CERS3: variants seen among roughly 807,000 people sequenced by gnomAD.
CERS3 encodes ceramide synthase 3.
Under a neutral mutation model 50.3 loss-of-function variants are expected in CERS3, and 33 were observed. The ratio of observed to expected loss-of-function variants is 0.66; its 90% confidence interval spans 0.50 to 0.88. CERS3 has a LOEUF of 0.88. Ranked by LOEUF, CERS3 falls within the 40% of genes least tolerant of loss-of-function variation. CERS3 has a pLI of 0.00. For missense variants in CERS3, 470 were observed against 460.3 expected, an observed-to-expected ratio of 1.02 and a Z score of -0.19; for synonymous variants, 176 against 155.2, an observed-to-expected ratio of 1.13 and a Z score of -0.99.
intron 10 of CERS3, among the ~76,000 whole-genome samples, chr15:100,462,486 G>A (rs1221600542): frequency 1.3e-5 from 2 of 152,188 alleles, no homozygotes; most frequent in Non-Finnish European, 2.9e-5. Context: ...TGTTCTACAG[G>A]TGAACAATTA....
chr15:100,523,076 C>G (rs2036683934), intron 1 of CERS3, among the ~76,000 whole-genome samples: 1 of 152,206 alleles, frequency 6.6e-6, no homozygotes, highest in African/African-American at 2.4e-5. Flanking sequence ...CCCCAGAAAG[C>G]TAACAAGGTT....
chr15:100,513,439 G>C (rs2036404165), intron 2 of CERS3, among the ~76,000 whole-genome samples: 1 of 152,022 alleles, frequency 6.6e-6, no homozygotes, highest in African/African-American at 2.4e-5. Context: ...TACTTTTCCA[G>C]TTCTTCTGTG....
intron 6 of CERS3, 45 bp from the exon 7 acceptor site, chr15:100,479,523 T>A (rs760576974): frequency 1.3e-6 from 2 of 1,516,786 alleles, no homozygotes; most frequent in East Asian, 4.5e-5. Flanking sequence ...AGAAATAAAT[T>A]GGTCGGTGTC....
chr15:100,504,164 G>A (rs1408449871), intron 2 of CERS3, among the ~76,000 whole-genome samples: 1 of 151,658 alleles, frequency 6.6e-6, no homozygotes, highest in African/African-American at 2.4e-5. Flanking sequence ...ACCATTCGGA[G>A]AAGTGCTAAC....
In CERS3 at chr15:100,402,603, G is replaced by C; in HGVS notation, c.*110C>G. ...CACATCTTAGGTGGGAGGGAAGGCG[G>C]TGGTGAGAAAGAGGGAAGGGCAGAA... On this transcript the variant is annotated 3_prime_UTR_variant, in exon 12 of 12. Coordinates refer to ENST00000679737, the MANE Select transcript of CERS3 (RefSeq NM_001378789.1). 3 of 1,044,958 alleles carry C rather than the reference G, an allele frequency of 2.9e-6. No individual in the cohort carries two copies. Among genetic ancestry groups the C allele is most frequent in the Non-Finnish European group, 4.2e-6 (3 of 721,696 alleles). 64.7% of individuals were successfully genotyped at this position (1,044,958 alleles called of 1,614,324 possible).
At chr15:100,405,241 A>AAC (rs1321529592) in intron 11 of CERS3, among the ~76,000 whole-genome samples, 2 of 117,150 alleles carry the variant, frequency 1.7e-5, no homozygotes, top group Non-Finnish European at 3.7e-5. Flanking sequence ...GGTAAAAAAA[A>AAC]AAAAAAACAA....
At chr15:100,446,363 G>A (rs2033941001) in intron 11 of CERS3, among the ~76,000 whole-genome samples, 1 of 109,856 alleles carries the variant, frequency 9.1e-6, no homozygotes, top group Non-Finnish European at 1.9e-5. Flanking sequence ...AAACTTCTCA[G>A]GTTTTTTTTT....
chr15:100,402,800 CTCT>C lies in CERS3; in HGVS notation c.1062_1064del (p.Glu355del), dbSNP rs751108467. The C allele has an allele frequency of 1.2e-5, 20 of 1,613,980 alleles. No individual in the cohort carries two copies. The African/African-American group carries it at 2.0e-4, about 16-fold the overall frequency. On this transcript the variant is annotated inframe_deletion, in exon 12 of 12. Coordinates refer to ENST00000679737, the MANE Select transcript of CERS3 (RefSeq NM_001378789.1). ...AATCCATCTCTTTGCCTTTGGTAGC[CTCT>C]TCTTCTTCCTCTTCCTCTTCCTCTT...
chr15:100,530,785 G>T (rs1275097125), upstream of CERS3, among the ~76,000 whole-genome samples: 1 of 152,160 alleles, frequency 6.6e-6, no homozygotes, highest in Non-Finnish European at 1.5e-5. Flanking sequence ...CAAGCCAAAA[G>T]AATATTGGGG....
intron 1 of CERS3, among the ~76,000 whole-genome samples, chr15:100,525,757 C>T (rs2036769351): frequency 6.6e-6 from 1 of 152,192 alleles, no homozygotes; most frequent in South Asian, 2.1e-4. Flanking sequence ...ATTCCAGCTA[C>T]AAGGACAAAT....
At position 100,484,298 on chromosome 15, in the gene CERS3, T is replaced by C. The variant is rs576339564; in HGVS notation, c.407+252A>G. On this transcript the variant is annotated intron_variant, in intron 5 of 11. Transcript: ENST00000679737. ...TCTCCTGTTCATCTTAGAGAGTTCA[T>C]AGTGTGGGAGTCTGTCTGAATCTAT... is the stretch of plus-strand genomic sequence containing the variant. 3.9e-5 allele frequency among the ~76,000 whole-genome samples: 6 copies of C among 152,280 alleles called. No individual in the cohort carries two copies. In the South Asian group the frequency reaches 1.0e-3, roughly 26 times the overall value.
intron 11 of CERS3, among the ~76,000 whole-genome samples, chr15:100,444,718 T>C (rs1265061744): frequency 2.0e-5 from 3 of 152,202 alleles, no homozygotes. Context: ...CACCCAGGAC[T>C]GGCAAATTAG....
intron 4 of CERS3, 62 bp downstream of exon 4, chr15:100,490,755 T>C (rs1404338021): frequency 8.3e-6 from 8 of 964,492 alleles, no homozygotes; most frequent in Middle Eastern, 2.2e-4. Context: ...AGGTAAGCTA[T>C]AGATAATTGA....
At chr15:100,543,503 C>CTTCT (rs397953008) in intron 1 of CERS3, among the ~76,000 whole-genome samples, 2 of 146,506 alleles carry the variant, frequency 1.4e-5, no homozygotes, top group East Asian at 3.9e-4. Flanking sequence ...TCCTTCCTTC[C>CTTCT]CTCCCTTCCT....
At chr15:100,466,812 C>CCTCTCTCCCTCTCTCCCTTT in intron 10 of CERS3, among the ~76,000 whole-genome samples, 1 of 16,252 alleles carries the variant, frequency 6.2e-5, no homozygotes, top group South Asian at 5.4e-3. Flanking sequence ...TCCCTCCCTC[C>CCTCTCTCCCTCTCTCCCTTT]CTCCCTCTCT....
At chr15:100,494,742 T>C (rs2035760038) in intron 3 of CERS3, among the ~76,000 whole-genome samples, 1 of 152,224 alleles carries the variant, frequency 6.6e-6, no homozygotes, top group Admixed American at 6.5e-5. Context: ...TAAGCAACTC[T>C]GCCTTAGCCT....
chr15:100,533,439 A>G (rs2142418234), upstream of CERS3, among the ~76,000 whole-genome samples: 1 of 152,126 alleles, frequency 6.6e-6, no homozygotes, highest in Non-Finnish European at 1.5e-5. Context: ...CTTCCTCTCT[A>G]CCACAGTAGG....
At chr15:100,543,797 T>C (rs926339681) in intron 1 of CERS3, among the ~76,000 whole-genome samples, 2 of 152,228 alleles carry the variant, frequency 1.3e-5, no homozygotes, top group Non-Finnish European at 2.9e-5. Flanking sequence ...CTCAAAGTGC[T>C]GGGATTACAG....
chr15:100,489,581 GT>G (rs2035590240), intron 4 of CERS3, among the ~76,000 whole-genome samples: 1 of 152,108 alleles, frequency 6.6e-6, no homozygotes, highest in South Asian at 2.1e-4. Flanking sequence ...AAAGTTAGTT[GT>G]TCCCAAACAA....
Sources: gnomAD v4.1 joint callset for allele counts (sites outside exome capture counted in the v4.1 genomes callset) on GRCh38, gnomAD v4.1.1 for gene constraint, MANE v1.5 for transcripts, NCBI Gene and HGNC (gene_info 2026-07-23, HGNC 2026-07-21) for gene names.